AGAP1: variants seen among roughly 807,000 people sequenced by gnomAD.
The protein encoded by AGAP1 is arf-GAP with GTPase, ANK repeat and PH domain-containing protein 1.
A neutral mutation model predicts 105.3 loss-of-function variants in AGAP1; 29 were observed. The ratio of observed to expected loss-of-function variants is 0.28; its 90% CI spans 0.21 to 0.38. The LOEUF (loss-of-function observed/expected upper bound fraction) is 0.38, where lower values mean the gene tolerates loss of function less well. Ranked by LOEUF, AGAP1 falls within the 10% of genes least tolerant of loss-of-function variation. The pLI, the probability that AGAP1 is intolerant of heterozygous loss-of-function variation, is 1.00. For missense variants in AGAP1, 998 were observed against 1,165.1 expected (o/e 0.86, Z 2.09); for synonymous variants, 509 against 485.9 (o/e 1.05, Z -0.63).
Position 235,788,343 on chromosome 2 carries a change from A to G in AGAP1, c.674-9416A>G, listed in dbSNP as rs1956773040. Among the ~76,000 whole-genome samples the G allele has an allele frequency of 6.6e-6, 1 of 152,180 alleles. No individual in the cohort carries two copies. Among genetic ancestry groups the G allele is most frequent in the Non-Finnish European group, 1.5e-5 (1 of 68,032 alleles). ...AGATTTGAGGATTTTAATTCAGGAA[A>G]GTCCACCAAAAGGATAAACAGCTAG... On this transcript the variant is annotated intron_variant, in intron 6 of 17. Coordinates refer to ENST00000304032, the MANE Select transcript of AGAP1 (RefSeq NM_001037131.3). The surrounding 1 kb of genome is among the most constrained non-coding windows in gnomAD (Gnocchi z 6.0).
chr2:235,673,086 AAAG>A (rs1233368791), intron 1 of AGAP1, among the ~76,000 whole-genome samples: 1 of 152,236 alleles, frequency 6.6e-6, no homozygotes, highest in Non-Finnish European at 1.5e-5. Context: ...CATGCTCAAA[AAAG>A]CTACATCTTT....
rs35303117 is a variant in AGAP1 at position 236,061,881 on chromosome 2, GAAAA to G, written c.2114+12611_2114+12614del. On this transcript the variant is annotated intron_variant, in intron 16 of 17. Transcript: ENST00000304032. The surrounding 1 kb of genome is among the most constrained non-coding windows in gnomAD (Gnocchi z 4.1). ...ATGGTATATAAATTATGTCAATTTT[GAAAA>G]AAAAAAAAAAGGAATTTCCAAAGGA... 3.3e-5 allele frequency among the ~76,000 whole-genome samples: 4 copies of G among 121,374 alleles called. No individual in the cohort carries two copies. Among genetic ancestry groups the G allele is most frequent in the Non-Finnish European group, 7.2e-5 (4 of 55,530 alleles). The allele number at this position is 121,374 out of a possible 152,430, so 79.6% of individuals were successfully genotyped here. A position where few individuals can be genotyped will look rare whatever the true frequency, so the allele number is the denominator to read the frequency against.
At position 236,007,789 on chromosome 2, in the gene AGAP1, TC is replaced by T. The variant is rs530626536; in HGVS notation, c.1646-28768del. 7.5e-4 allele frequency among the ~76,000 whole-genome samples: 114 copies of T among 152,292 alleles called. 1 individual carries two copies. The South Asian group carries it at 0.023, about 31-fold the overall frequency. Reference sequence around the variant, plus strand: ...TAAGGTGGCCCCTGCTCACCAGCCTTCCCCTCTCGGCATCACCAGCCCCCAG... The same window carrying T: ...TAAGGTGGCCCCTGCTCACCAGCCTTCCCTCTCGGCATCACCAGCCCCCAG... On this transcript the variant is annotated intron_variant, in intron 13 of 17. Coordinates refer to ENST00000304032, the MANE Select transcript of AGAP1 (RefSeq NM_001037131.3).
At position 235,930,996 on chromosome 2, in the gene AGAP1, G is replaced by A; in HGVS notation, c.1483+73G>A. The stretch of plus-strand genomic sequence containing the variant: ...TCGTTGTAAGCCAGGGGCTGGACAG[G>A]ACGCCCTAAGCTCTCATGCTCCTCT... On this transcript the variant is annotated intron_variant, in intron 12 of 17. Coordinates refer to ENST00000304032, the MANE Select transcript of AGAP1 (RefSeq NM_001037131.3). This position sits in a 1 kb window ranked among gnomAD's most constrained non-coding sequence, Gnocchi z 7.9. 3 of 1,537,594 alleles carry A rather than the reference G, an allele frequency of 2.0e-6. No homozygotes were observed. The South Asian group carries it at 3.7e-5, about 19-fold the overall frequency.
chr2:235,535,950 G>A lies in AGAP1; in HGVS notation c.163+41101G>A, dbSNP rs556203480. 2.6e-5 allele frequency among the ~76,000 whole-genome samples: 4 copies of A among 151,958 alleles called. No individual in the cohort carries two copies. In the South Asian group the frequency reaches 8.3e-4, roughly 32 times the overall value. On this transcript the variant is annotated intron_variant, in intron 1 of 17. Coordinates refer to ENST00000304032, the MANE Select transcript of AGAP1 (RefSeq NM_001037131.3). This position sits in a 1 kb window ranked among gnomAD's most constrained non-coding sequence, Gnocchi z 5.1. Reference sequence around the variant, plus strand: ...TTGGCTGGTGGACGTAAGGCCCCTCGCCCCATCTGCTTCCTGCTCTCCCAG... The same window carrying A: ...TTGGCTGGTGGACGTAAGGCCCCTCACCCCATCTGCTTCCTGCTCTCCCAG...
chr2:235,886,278 C>T (rs1201828072), intron 10 of AGAP1, among the ~76,000 whole-genome samples: 3 of 152,248 alleles, frequency 2.0e-5, no homozygotes, highest in Non-Finnish European at 4.4e-5. Flanking sequence ...GTAAGACTCA[C>T]TGACCAGTAA....
In AGAP1 at chr2:236,062,337, C is replaced by T. The variant is rs935641656; in HGVS notation, c.2114+13056C>T. Among the ~76,000 whole-genome samples, 7 of 152,054 alleles carry T rather than the reference C, an allele frequency of 4.6e-5. No individual in the cohort carries two copies. Among genetic ancestry groups the T allele is most frequent in the African/African-American group, 1.7e-4 (7 of 41,404 alleles). On this transcript the variant is annotated intron_variant, in intron 16 of 17. Transcript: ENST00000304032. The surrounding 1 kb of genome is among the most constrained non-coding windows in gnomAD (Gnocchi z 4.2). The stretch of plus-strand genomic sequence containing the variant: ...ATGCAGGACGGGCCAGAACCCACCC[C>T]AGATCTGACCTCCCTAGAGGAAGCC...
rs2054146933 is a variant in AGAP1, at chr2:235,960,763, G to A, written c.1484-7699G>A. ...TGACAGCGGCCAGCTCCTAGGGCAC[G>A]CTTGGTGCGTGGGGACACTCAACAG... is the stretch of plus-strand genomic sequence containing the variant. On this transcript the variant is annotated intron_variant, in intron 12 of 17. Transcript: ENST00000304032. This position sits in a 1 kb window ranked among gnomAD's most constrained non-coding sequence, Gnocchi z 4.9. 6.6e-6 allele frequency among the ~76,000 whole-genome samples: 1 copy of A among 152,186 alleles called. No individual in the cohort carries two copies. The highest frequency in any genetic ancestry group is 2.4e-5 in the African/African-American group (1 of 41,444).
rs3207204 is a variant in AGAP1, at chr2:235,968,553, C to G, written c.1575C>G (p.Asn525Lys). 3.0e-6 allele frequency: 4 copies of G among 1,333,022 alleles called. No individual in the cohort carries two copies. The highest frequency in any genetic ancestry group is 2.2e-5 in the Admixed American group (1 of 46,424). The allele number at this position is 1,333,022 out of a possible 1,614,324, so 82.6% of individuals were successfully genotyped here. Residue 525 changes from asparagine (N) to lysine (K), a missense_variant, in exon 13 of 18, where the codon AAC (asparagine) becomes AAG (lysine). By Grantham distance (94) the Asn-to-Lys change is moderately conservative (BLOSUM62 0). Coordinates refer to ENST00000304032, the MANE Select transcript of AGAP1 (RefSeq NM_001037131.3). ...ACCCGCCCCCCTCCCCTCACGCCAA[C>G]AGAAAGAAGCACCGAAGGAAGAAAA... ...KLDPPPSPHANRKKHRRKKST... is the reference protein window; with the variant it reads ...KLDPPPSPHAKRKKHRRKKST...
chr2:235,939,929 C>A (rs992080511), intron 12 of AGAP1, among the ~76,000 whole-genome samples: 1 of 152,126 alleles, frequency 6.6e-6, no homozygotes. Flanking sequence ...TCAGAAGATA[C>A]CCAAATTCAC....
intron 1 of AGAP1, among the ~76,000 whole-genome samples, chr2:235,645,457 G>A (rs971553941): frequency 2.6e-5 from 4 of 152,172 alleles, no homozygotes; most frequent in Admixed American, 2.0e-4. Flanking sequence ...AATTCTCAAT[G>A]ACTAACCAAA....
At position 235,721,902 on chromosome 2, in the gene AGAP1, G is replaced by A. The variant is rs931507096; in HGVS notation, c.310+4258G>A. On this transcript the variant is annotated intron_variant, in intron 3 of 17. Coordinates refer to ENST00000304032, the MANE Select transcript of AGAP1 (RefSeq NM_001037131.3). This position sits in a 1 kb window ranked among gnomAD's most constrained non-coding sequence, Gnocchi z 4.5. ...AGATGCATTTTAGCTCCATCCCAGA[G>A]GGTAACATCTGCTGTCTTAATTGTG... 3.3e-5 allele frequency among the ~76,000 whole-genome samples: 5 copies of A among 152,010 alleles called. No homozygotes were observed. Among genetic ancestry groups the A allele is most frequent in the African/African-American group, 7.2e-5 (3 of 41,450 alleles).
In AGAP1 at chr2:235,906,024, G is replaced by C. The variant is rs1051640607; in HGVS notation, c.1156-2714G>C. ...GGGGGCTGGTGAAGTCAGATTTGTTGTTCCCAGCCCAGATACCACCCTCCC... is the reference window on the plus strand; with the variant it reads ...GGGGGCTGGTGAAGTCAGATTTGTTCTTCCCAGCCCAGATACCACCCTCCC... On this transcript the variant is annotated intron_variant, in intron 10 of 17. Transcript: ENST00000304032. The surrounding 1 kb of genome is among the most constrained non-coding windows in gnomAD (Gnocchi z 5.3). Among the ~76,000 whole-genome samples, 4 of 152,158 alleles carry C rather than the reference G, an allele frequency of 2.6e-5. No homozygotes were observed. The highest frequency in any genetic ancestry group is 4.4e-5 in the Non-Finnish European group (3 of 68,036).
Position 236,082,230 on chromosome 2 carries a change from G to A in AGAP1, c.2114+32949G>A, listed in dbSNP as rs1357825481. The stretch of plus-strand genomic sequence containing the variant: ...CTTCAATCAGTGCCAAATTCAATTG[G>A]CTTCTGATCTCATCGCTGGAAGTTA... On this transcript the variant is annotated intron_variant, in intron 16 of 17. Coordinates refer to ENST00000304032, the MANE Select transcript of AGAP1 (RefSeq NM_001037131.3). The surrounding 1 kb of genome is among the most constrained non-coding windows in gnomAD (Gnocchi z 4.2). 6.6e-6 allele frequency among the ~76,000 whole-genome samples: 1 copy of A among 152,162 alleles called. No homozygotes were observed. Among genetic ancestry groups the A allele is most frequent in the Admixed American group, 6.5e-5 (1 of 15,274 alleles).
intron 13 of AGAP1, among the ~76,000 whole-genome samples, chr2:235,984,718 C>T (rs1178686037): frequency 6.6e-6 from 1 of 152,006 alleles, no homozygotes; most frequent in African/African-American, 2.4e-5. Context: ...CTTTCTGTTC[C>T]TGTGTTAGTT....
At chr2:235,868,351 C>T (rs2049280879) in intron 9 of AGAP1, among the ~76,000 whole-genome samples, 2 of 152,086 alleles carry the variant, frequency 1.3e-5, no homozygotes, top group South Asian at 2.1e-4. Flanking sequence ...ACACGTGCAC[C>T]GTCCTTTACA....
chr2:236,001,942 C>T lies in AGAP1; in HGVS notation c.1645+33319C>T, dbSNP rs1426087063. 6.6e-6 allele frequency among the ~76,000 whole-genome samples: 1 copy of T among 152,176 alleles called. No individual in the cohort carries two copies. The highest frequency in any genetic ancestry group is 1.5e-5 in the Non-Finnish European group (1 of 68,038). On this transcript the variant is annotated intron_variant, in intron 13 of 17. Transcript: ENST00000304032. The surrounding 1 kb of genome is among the most constrained non-coding windows in gnomAD (Gnocchi z 4.7). ...TTGCACATACATTCTGAAGCGCTCA[C>T]GCTTTGTTCCTGTGGACATCTCTGC...
intron 1 of AGAP1, among the ~76,000 whole-genome samples, chr2:235,533,804 T>A (rs892612934): frequency 3.9e-5 from 6 of 152,254 alleles, no homozygotes; most frequent in Non-Finnish European, 2.9e-5. Context: ...GCTGGACCCC[T>A]CCCCGCTGGC....
chr2:235,983,842 A>C lies in AGAP1; in HGVS notation c.1645+15219A>C, dbSNP rs2055193260. ...CTCTGTGATGGTCACACAATGACAA[A>C]ATCGCCTAACGACACATTTCTCAGA... On this transcript the variant is annotated intron_variant, in intron 13 of 17. Coordinates refer to ENST00000304032, the MANE Select transcript of AGAP1 (RefSeq NM_001037131.3). This position sits in a 1 kb window ranked among gnomAD's most constrained non-coding sequence, Gnocchi z 4.5. Among the ~76,000 whole-genome samples, 1 of 152,224 alleles carries C rather than the reference A, an allele frequency of 6.6e-6. No individual in the cohort carries two copies. The highest frequency in any genetic ancestry group is 6.5e-5 in the Admixed American group (1 of 15,288).
Sources: gnomAD v4.1 joint callset for allele counts (sites outside exome capture counted in the v4.1 genomes callset) on GRCh38, gnomAD v4.1.1 for gene constraint, Gnocchi (gnomAD v3.1) non-coding constraint, MANE v1.5 for transcripts, NCBI Gene and HGNC (gene_info 2026-07-23, HGNC 2026-07-21) for gene names.